ATRNL1: variants seen among roughly 807,000 people sequenced by gnomAD.
The protein encoded by ATRNL1 is attractin-like protein 1.
In ATRNL1, 95 loss-of-function variants were observed where a neutral mutation model predicts 182.7. The observed-to-expected ratio is 0.52, with a 90% confidence interval of 0.44 to 0.62. ATRNL1 has a LOEUF of 0.62. Among genes scored for constraint, ATRNL1 ranks in the 20% least tolerant of loss-of-function variants. The pLI, the probability that ATRNL1 is intolerant of heterozygous loss-of-function variation, is 0.00. For synonymous variants in ATRNL1, 576 were observed against 568.3 expected, an observed-to-expected ratio of 1.01 and a Z score of -0.19; for missense variants, 1,471 against 1,679.5, an observed-to-expected ratio of 0.88 and a Z score of 2.17.
At chr10:115,825,813 A>G (rs1555091813) in intron 27 of ATRNL1, among the ~76,000 whole-genome samples, 1 of 152,116 alleles carries the variant, frequency 6.6e-6, no homozygotes, top group Non-Finnish European at 1.5e-5. Context: ...TCAACTTCAT[A>G]TAGTTATTCA....
At chr10:115,416,274 T>C (rs1845386733) in intron 20 of ATRNL1, among the ~76,000 whole-genome samples, 1 of 152,108 alleles carries the variant, frequency 6.6e-6, no homozygotes, top group South Asian at 2.1e-4. Flanking sequence ...TAGAAAGTAT[T>C]TATTTCATTA....
chr10:115,636,550 G>T (rs1198572485), intron 26 of ATRNL1, among the ~76,000 whole-genome samples: 1 of 152,156 alleles, frequency 6.6e-6, no homozygotes, highest in African/African-American at 2.4e-5. Context: ...CTAAATAAAA[G>T]ATTTAAATAG....
intron 27 of ATRNL1, among the ~76,000 whole-genome samples, chr10:115,728,219 C>T (rs1387178933): frequency 7.0e-6 from 1 of 142,868 alleles, no homozygotes; most frequent in Non-Finnish European, 1.5e-5. Flanking sequence ...GGCGTGAACC[C>T]GGGAGGCGGA....
intron 21 of ATRNL1, among the ~76,000 whole-genome samples, chr10:115,453,960 G>GA (rs373668315): frequency 0.011 from 1,608 of 149,968 alleles, 21 homozygotes; most frequent in African/African-American, 0.036. Context: ...TAATAAAAAA[G>GA]AAAAAAAAAG....
intron 10 of ATRNL1, among the ~76,000 whole-genome samples, chr10:115,259,762 A>AT (rs1220224397): frequency 1.1e-4 from 17 of 151,478 alleles, no homozygotes; most frequent in African/African-American, 2.9e-4. Flanking sequence ...GCCTCTCCAG[A>AT]TTTTTTTTTG....
intron 19 of ATRNL1, among the ~76,000 whole-genome samples, chr10:115,372,947 A>G (rs922746210): frequency 2.0e-5 from 3 of 152,260 alleles, no homozygotes; most frequent in Admixed American, 6.5e-5. Flanking sequence ...ATACCAGTAG[A>G]TCACTTTGCG....
intron 17 of ATRNL1, among the ~76,000 whole-genome samples, chr10:115,302,542 G>C (rs1853525631): frequency 6.6e-6 from 1 of 152,100 alleles, no homozygotes; most frequent in African/African-American, 2.4e-5. Context: ...ATCAATGTTG[G>C]TATATCTGCT....
intron 19 of ATRNL1, among the ~76,000 whole-genome samples, chr10:115,387,967 G>A (rs1040601746): frequency 6.6e-6 from 1 of 151,942 alleles, no homozygotes; most frequent in African/African-American, 2.4e-5. Context: ...TAAATTTTTA[G>A]TTTTATTGTG....
intron 26 of ATRNL1, among the ~76,000 whole-genome samples, chr10:115,579,121 G>A (rs1028742935): frequency 7.3e-5 from 11 of 151,626 alleles, no homozygotes; most frequent in Non-Finnish European, 3.0e-5. Context: ...GTGGTCTAAC[G>A]TGATCTATCC....
chr10:115,674,491 T>A (rs1056904230), intron 26 of ATRNL1, among the ~76,000 whole-genome samples: 1 of 152,128 alleles, frequency 6.6e-6, no homozygotes, highest in African/African-American at 2.4e-5. Flanking sequence ...TCCATTTTAC[T>A]TAATCATTGA....
intron 27 of ATRNL1, among the ~76,000 whole-genome samples, chr10:115,820,706 T>C (rs1323411882): frequency 6.6e-6 from 1 of 152,042 alleles, no homozygotes; most frequent in Non-Finnish European, 1.5e-5. Flanking sequence ...CGGTACAAAG[T>C]CGTGGTAAAG....
intron 20 of ATRNL1, among the ~76,000 whole-genome samples, chr10:115,414,776 G>A (rs942629205): frequency 1.3e-5 from 2 of 151,660 alleles, no homozygotes; most frequent in African/African-American, 4.8e-5. Flanking sequence ...CATATTATTA[G>A]ATGTATTTTA....
chr10:115,647,091 G>T (rs1382988669), intron 26 of ATRNL1, among the ~76,000 whole-genome samples: 3 of 151,798 alleles, frequency 2.0e-5, no homozygotes, highest in African/African-American at 7.3e-5. Flanking sequence ...TCAGAATGAT[G>T]ATTTCAGCTT....
intron 26 of ATRNL1, among the ~76,000 whole-genome samples, chr10:115,609,940 T>G (rs1857069014): frequency 6.6e-6 from 1 of 152,134 alleles, no homozygotes; most frequent in African/African-American, 2.4e-5. Context: ...GTGAGACGTG[T>G]TGTTTGTGAG....
chr10:115,889,443 C>G (rs1555110621), intron 28 of ATRNL1, among the ~76,000 whole-genome samples: 1 of 152,120 alleles, frequency 6.6e-6, no homozygotes, highest in East Asian at 1.9e-4. Context: ...ATTCTCATGC[C>G]TCAGCCACCT....
intron 1 of ATRNL1, among the ~76,000 whole-genome samples, chr10:115,108,049 C>T (rs1554866572): frequency 6.6e-6 from 1 of 152,122 alleles, no homozygotes; most frequent in Non-Finnish European, 1.5e-5. Flanking sequence ...ATGCTAATCC[C>T]CTTATGCAAG....
chr10:115,620,166 G>A (rs75150301), intron 26 of ATRNL1, among the ~76,000 whole-genome samples: 2,971 of 152,302 alleles, frequency 0.02, 65 homozygotes, highest in East Asian at 0.12. Flanking sequence ...GAAGAGGAAG[G>A]GAAATCATGG....
At chr10:115,667,200 A>G (rs2901057) in intron 26 of ATRNL1, among the ~76,000 whole-genome samples, 22,249 of 152,010 alleles carry the variant, frequency 0.15, 2,103 homozygotes, top group South Asian at 0.23. Flanking sequence ...GGTATGGAGT[A>G]TGAGATCAGG....
intron 19 of ATRNL1, among the ~76,000 whole-genome samples, chr10:115,353,648 T>G (rs1264975659): frequency 6.6e-6 from 1 of 152,176 alleles, no homozygotes; most frequent in African/African-American, 2.4e-5. Context: ...TCTTCCTTTC[T>G]TCCTCTCTTC....
Sources: gnomAD v4.1 joint callset for allele counts (sites outside exome capture counted in the v4.1 genomes callset) on GRCh38, gnomAD v4.1.1 for gene constraint, MANE v1.5 for transcripts, NCBI Gene and HGNC (gene_info 2026-07-23, HGNC 2026-07-21) for gene names.